Variants in WDR90 observed in about 807,000 individuals in gnomAD.
WDR90 encodes the protein WD repeat-containing protein 90.
In WDR90, 238 loss-of-function variants were observed where a neutral mutation model predicts 195.2. That is an observed-to-expected ratio of 1.22 (90% CI 1.10 to 1.36). The LOEUF (loss-of-function observed/expected upper bound fraction) is 1.36. WDR90 is among the 40% of genes most tolerant of loss of function. The probability of loss-of-function intolerance (pLI) is 0.00; values close to 1 mark genes in which losing one functional copy is unlikely to be tolerated. For missense variants in WDR90, 2,734 were observed against 2,439.5 expected, an observed-to-expected ratio of 1.12 and a Z score of -2.54; for synonymous variants, 1,265 against 1,052.4, an observed-to-expected ratio of 1.20 and a Z score of -3.91.
At position 650,364 on chromosome 16, in the gene WDR90, T is replaced by G. The variant is rs571995539; in HGVS notation, c.388+2T>G. 23 of 1,611,536 alleles carry G rather than the reference T, an allele frequency of 1.4e-5. No homozygotes were observed. The East Asian group carries it at 5.1e-4, about 36-fold the overall frequency. ...TGGAGGCCAGGACACCTCAGAGAGG[T>G]GACACCAAGATGGGGTGTGGATGAT... On this transcript the variant is annotated splice_donor_variant, in intron 4 of 40. Coordinates refer to ENST00000293879, the MANE Select transcript of WDR90 (RefSeq NM_145294.5). LOFTEE classifies it high-confidence loss of function.
Position 655,686 on chromosome 16 carries a change from A to C in WDR90, c.1832A>C (p.Lys611Thr), listed in dbSNP as rs2037736313. The C allele has an allele frequency of 6.3e-7, 1 of 1,597,886 alleles. No individual in the cohort carries two copies. The highest frequency in any genetic ancestry group is 1.3e-5 in the African/African-American group (1 of 74,652). ...TRTPGGPHPQ[K>T]QTFSSGPGIA... ...ACTCCAGGCGGTCCCCACCCACAGA[A>C]GCAGACCTTCAGCTCAGGTAAGAGG... The change falls in exon 16 of 41, where the codon AAG (lysine) becomes ACG (threonine). Residue 611 changes from lysine to threonine, a missense_variant. Coordinates refer to ENST00000293879, the MANE Select transcript of WDR90 (RefSeq NM_145294.5).
rs2037624235 is a variant in WDR90, at chr16:650,576, C to T, written c.426C>T (p.Thr142=). The T allele has an allele frequency of 3.1e-6, 5 of 1,612,340 alleles. No homozygotes were observed. The highest frequency in any genetic ancestry group is 4.2e-6 in the Non-Finnish European group (5 of 1,179,566). The change falls in exon 5 of 41, where the codon ACC becomes ACT. Residue 142 remains threonine, a synonymous_variant. Transcript: ENST00000293879. Reference sequence around the variant, plus strand: ...TGGCCCCCTCCGGAGCCCGCTGGACCTGCCTGCAGCTCGATCTGCAGGACG... The same window carrying T: ...TGGCCCCCTCCGGAGCCCGCTGGACTTGCCTGCAGCTCGATCTGCAGGACG... ...VGLAPSGARW[T]CLQLDLQDVL...
Position 653,681 on chromosome 16 carries a change from G to A in WDR90, c.1379+11G>A, listed in dbSNP as rs1396970485. 2.0e-5 allele frequency: 32 copies of A among 1,613,206 alleles called. No individual in the cohort carries two copies. The highest frequency in any genetic ancestry group is 1.6e-4 in the Middle Eastern group (1 of 6,084). On this transcript the variant is annotated intron_variant, in intron 12 of 40. Coordinates refer to ENST00000293879, the MANE Select transcript of WDR90 (RefSeq NM_145294.5). ...TGTCTGCTCTCTCAGGTGAGCACAG[G>A]TCTGCCCCATGCAGGGGGAGGGGGT...
rs2037904309 is a variant in WDR90 at position 661,176 on chromosome 16, C to T, written c.3513+4C>T. 1.9e-6 allele frequency: 3 copies of T among 1,540,416 alleles called. No homozygotes were observed. Among genetic ancestry groups the T allele is most frequent in the East Asian group, 2.4e-5 (1 of 41,764 alleles). On this transcript the variant is annotated splice_donor_region_variant and intron_variant, in intron 29 of 40. Coordinates refer to ENST00000293879, the MANE Select transcript of WDR90 (RefSeq NM_145294.5). ...GGCCCTCAGCCACAGTGCCCAGGTGCCCGCCTGCATCGCCCTCCTCCTCTC... is the reference window on the plus strand; with the variant it reads ...GGCCCTCAGCCACAGTGCCCAGGTGTCCGCCTGCATCGCCCTCCTCCTCTC...
rs778406293 is a variant in WDR90 at position 657,211 on chromosome 16, C to T, written c.2463C>T (p.Leu821=). ...YSCADPQWHV[L]RVAADMVCPD... Reference sequence around the variant, plus strand: ...GTGCGGACCCCCAGTGGCATGTCCTCCGAGTGGCAGGTTGGGCCCCCTGCA... The same window carrying T: ...GTGCGGACCCCCAGTGGCATGTCCTTCGAGTGGCAGGTTGGGCCCCCTGCA... Residue 821 remains leucine (L), a synonymous_variant, in exon 20 of 41, where the codon CTC becomes CTT. Transcript: ENST00000293879. 1 of 1,548,730 alleles carries T rather than the reference C, an allele frequency of 6.5e-7. No individual in the cohort carries two copies. The highest frequency in any genetic ancestry group is 1.2e-5 in the South Asian group (1 of 84,010).
At position 656,311 on chromosome 16, in the gene WDR90, G is replaced by T. The variant is rs1348785615; in HGVS notation, c.1976G>T (p.Gly659Val). 5.6e-6 allele frequency: 9 copies of T among 1,607,362 alleles called. No homozygotes were observed. The highest frequency in any genetic ancestry group is 5.9e-6 in the Non-Finnish European group (7 of 1,178,550). ...CCCACCCCACCCACAGAGCACGAGG[G>T]CCCCGTCAGCTCAGTCTGTGTCAGC... Reference protein sequence around the residue: ...SSVLLEAEHEGPVSSVCVSPD... With the variant: ...SSVLLEAEHEVPVSSVCVSPD... Residue 659 changes from glycine to valine, a missense_variant, in exon 18 of 41, where the codon GGC becomes GTC. Transcript: ENST00000293879.
chr16:662,472 T>A, intron 33 of WDR90, 141 bp downstream of exon 33: 3 of 1,253,586 alleles, frequency 2.4e-6, no homozygotes, highest in Non-Finnish European at 3.3e-6. Flanking sequence ...CAGGCTTGGG[T>A]GTGGCCTGGG....
chr16:656,634 T>G, intron 18 of WDR90, 97 bp downstream of exon 18: 1 of 1,570,430 alleles, frequency 6.4e-7, no homozygotes, highest in Non-Finnish European at 8.7e-7. Flanking sequence ...GGACCTGGAC[T>G]TTCCAGCCTG....
Position 661,681 on chromosome 16 carries a change from A to G in WDR90, c.3758A>G (p.His1253Arg), listed in dbSNP as rs1325710260. The G allele has an allele frequency of 1.9e-6, 3 of 1,612,284 alleles. No individual in the cohort carries two copies. The highest frequency in any genetic ancestry group is 1.7e-5 in the Admixed American group (1 of 59,972). Residue 1253 changes from histidine to arginine, a missense_variant, in exon 31 of 41, where the codon CAT becomes CGT. His to Arg is a conservative substitution (Grantham distance 29). Coordinates refer to ENST00000293879, the MANE Select transcript of WDR90 (RefSeq NM_145294.5). ...TCCACCCGCCTCCCGGAGCCGGTGCATGGTGTGGCCTTCAACCCCTGGGAC... is the reference window on the plus strand; with the variant it reads ...TCCACCCGCCTCCCGGAGCCGGTGCGTGGTGTGGCCTTCAACCCCTGGGAC... Reference protein sequence around the residue: ...VSSTRLPEPVHGVAFNPWDAG... With the variant: ...VSSTRLPEPVRGVAFNPWDAG...
rs145477276 is a variant in WDR90 at position 657,504 on chromosome 16, G to T, written c.2474-258G>T. 1,241 of 704,370 alleles carry T rather than the reference G, an allele frequency of 1.8e-3. 2 individuals are homozygous for T. Among genetic ancestry groups the T allele is most frequent in the Non-Finnish European group, 2.5e-3 (1,111 of 440,282 alleles). 43.6% of individuals were successfully genotyped at this position (704,370 alleles called of 1,614,324 possible). ...GAGTCAGACCCAGGCATGGGCACCT[G>T]CCCTGTCCTGCGGCCACCATAACTT... On this transcript the variant is annotated intron_variant, in intron 20 of 40. Coordinates refer to ENST00000293879, the MANE Select transcript of WDR90 (RefSeq NM_145294.5).
rs375379158 is a variant in WDR90, at chr16:655,865, T to A, written c.1942T>A (p.Phe648Ile). Residue 648 changes from phenylalanine to isoleucine, a missense_variant, in exon 17 of 41, where the codon TTC (phenylalanine) becomes ATC (isoleucine). Physicochemically the swap from Phe to Ile is conservative, Grantham distance 21. Transcript: ENST00000293879. ...CTTCTTGCGGCTCTGGCCCCTGGACTTCTCCTCGGTGCTCCTGGAGGCAGG... is the reference window on the plus strand; with the variant it reads ...CTTCTTGCGGCTCTGGCCCCTGGACATCTCCTCGGTGCTCCTGGAGGCAGG... ...DGFLRLWPLD[F>I]SSVLLEAEHE... The A allele has an allele frequency of 3.1e-5, 49 of 1,598,274 alleles. No individual in the cohort carries two copies. The highest frequency in any genetic ancestry group is 4.2e-5 in the Non-Finnish European group (49 of 1,175,148).
chr16:661,565 C>T (rs2037914929), intron 30 of WDR90, 32 bp from the exon 31 acceptor site: 1 of 1,579,956 alleles, frequency 6.3e-7, no homozygotes, highest in Non-Finnish European at 8.6e-7. Context: ...TGCATCTGTG[C>T]ACCTGACGTG....
chr16:650,865 A>G lies in WDR90; in HGVS notation c.560-130A>G, dbSNP rs987628020. On this transcript the variant is annotated intron_variant, in intron 5 of 40. Transcript: ENST00000293879. Reference sequence around the variant, plus strand: ...ATCCCAGAGGCAGCCCTGGGGTCAGAACCCATCCCAGAGGCAGCCCTGGGG... The same window carrying G: ...ATCCCAGAGGCAGCCCTGGGGTCAGGACCCATCCCAGAGGCAGCCCTGGGG... 6.1e-6 allele frequency: 9 copies of G among 1,471,382 alleles called. 1 individual carries two copies. In the Admixed American group the frequency reaches 1.2e-4, roughly 20 times the overall value. The allele number at this position is 1,471,382 out of a possible 1,614,324, so 91.1% of individuals were successfully genotyped here. A position where few individuals can be genotyped will look rare whatever the true frequency, so the allele number is the denominator to read the frequency against.
chr16:663,085 C>G (rs745428032), intron 34 of WDR90: 4 of 671,674 alleles, frequency 6.0e-6, no homozygotes, highest in South Asian at 4.7e-5. Context: ...ACTGTCCTTT[C>G]CCTGCTATTG....
chr16:657,261 CG>C, intron 20 of WDR90, 40 bp downstream of exon 20: 3 of 1,498,988 alleles, frequency 2.0e-6, no homozygotes, highest in South Asian at 1.3e-5. Context: ...CTCCTCAGGG[CG>C]GGGGAGGCCT....
In WDR90 at chr16:651,892, CG is replaced by C; in HGVS notation, c.907del (p.Ala303ProfsTer33). Reference sequence around the variant, plus strand: ...TCAGCCTGTCCCAAGAGCGCTCAGACGCCTCCAACGCGGATGGCCCCGGTTT... The same window carrying C: ...TCAGCCTGTCCCAAGAGCGCTCAGACCCTCCAACGCGGATGGCCCCGGTTT... ...EVSLSQERSD[A>X]SNADGPGFHS... is the part of the protein sequence containing the mutation. On this transcript the variant is annotated frameshift_variant, in exon 9 of 41. Transcript: ENST00000293879. LOFTEE classifies it high-confidence loss of function. The C allele has an allele frequency of 6.2e-7, 1 of 1,611,072 alleles. No homozygotes were observed.
Position 658,265 on chromosome 16 carries a change from C to G in WDR90, c.2687C>G (p.Ala896Gly). Residue 896 changes from alanine to glycine, a missense_variant, in exon 22 of 41, where the codon GCT (alanine) becomes GGT (glycine). Ala to Gly is a moderately conservative substitution (Grantham distance 60). Coordinates refer to ENST00000293879, the MANE Select transcript of WDR90 (RefSeq NM_145294.5). The stretch of plus-strand genomic sequence containing the variant: ...ATGGCTGTGTGCTTTGGCCCTGCAG[C>G]TCTGGGCCACCTGCTGGTGTCCACC... ...SAMAVCFGPA[A>G]LGHLLVSTSS... The G allele has an allele frequency of 6.2e-7, 1 of 1,612,648 alleles. No individual in the cohort carries two copies. The highest frequency in any genetic ancestry group is 1.7e-5 in the Admixed American group (1 of 60,022).
In WDR90 at chr16:656,880, C is replaced by T; in HGVS notation, c.2342+9C>T. ...GTCCTGGTGGAACACACGTAAGTGC[C>T]CAGCTGGCCACCAGCCCCACGGAGA... On this transcript the variant is annotated intron_variant, in intron 19 of 40. Transcript: ENST00000293879. 6.2e-7 allele frequency: 1 copy of T among 1,611,112 alleles called. No individual in the cohort carries two copies. Among genetic ancestry groups the T allele is most frequent in the Non-Finnish European group, 8.5e-7 (1 of 1,179,026 alleles).
chr16:666,569 T>C lies in WDR90; in HGVS notation c.4855T>C (p.Leu1619=). 1.2e-6 allele frequency: 2 copies of C among 1,612,640 alleles called. No homozygotes were observed. Among genetic ancestry groups the C allele is most frequent in the Non-Finnish European group, 1.7e-6 (2 of 1,179,892 alleles). Reference sequence around the variant, plus strand: ...GAACCACTGTGAGCTTGTGGACTGGTTGAGTTTCCCAATGCCTGCCACCAC... The same window carrying C: ...GAACCACTGTGAGCTTGTGGACTGGCTGAGTTTCCCAATGCCTGCCACCAC... ...LRNHCELVDW[L]SFPMPATTET... is the part of the protein sequence containing the mutation. Residue 1619 remains leucine (L), a synonymous_variant, in exon 38 of 41, where the codon TTG becomes CTG. Transcript: ENST00000293879.
Sources: gnomAD v4.1 joint callset for allele counts on GRCh38, gnomAD v4.1.1 for gene constraint, MANE v1.5 for transcripts, NCBI Gene and HGNC (gene_info 2026-07-23, HGNC 2026-07-21) for gene names.